Variants in LCOR observed in about 807,000 individuals in gnomAD.
LCOR encodes ligand-dependent corepressor.
In LCOR, 14 loss-of-function variants were observed where a neutral mutation model predicts 64.4. The ratio of observed to expected loss-of-function variants is 0.22; its 90% confidence interval spans 0.14 to 0.34. The LOEUF (loss-of-function observed/expected upper bound fraction) is 0.34, where lower values mean the gene tolerates loss of function less well. Ranked by LOEUF, LCOR falls within the 10% of genes least tolerant of loss-of-function variation. The pLI is 1.00. For synonymous variants in LCOR, 643 were observed against 642.5 expected (o/e 1.00, Z -0.01); for missense variants, 1,686 against 1,765.3 (o/e 0.96, Z 0.80).
chr10:96,981,894 A>G lies in LCOR; in HGVS notation c.1434A>G (p.Pro478=). Reference sequence around the variant, plus strand: ...GTGATGTTGTTTATATCAGTCAACCAATAACAGAATGCCACTTTGAGAATC... The same window carrying G: ...GTGATGTTGTTTATATCAGTCAACCGATAACAGAATGCCACTTTGAGAATC... The part of the protein sequence containing the change: ...NQCDVVYISQ[P]ITECHFENQK... The change falls in exon 8 of 8, where the codon CCA becomes CCG. Residue 478 remains proline (P), a synonymous_variant. Coordinates refer to ENST00000421806, the MANE Select transcript of LCOR (RefSeq NM_001346516.2). The G allele has an allele frequency of 6.2e-7, 1 of 1,614,226 alleles. No individual in the cohort carries two copies. Among genetic ancestry groups the G allele is most frequent in the Non-Finnish European group, 8.5e-7 (1 of 1,180,052 alleles).
chr10:96,894,752 A>T (rs1846507993), intron 2 of LCOR, among the ~76,000 whole-genome samples: 1 of 152,230 alleles, frequency 6.6e-6, no homozygotes, highest in Non-Finnish European at 1.5e-5. Flanking sequence ...TTTTTAAAAT[A>T]TATAAATTAG....
chr10:96,906,441 G>C (rs1238910357), intron 2 of LCOR, among the ~76,000 whole-genome samples: 1 of 152,190 alleles, frequency 6.6e-6, no homozygotes. Context: ...TAAAGATACA[G>C]TCTGATTCCT....
At chr10:96,960,396 C>CT (rs2134542547) in intron 7 of LCOR, 1 of 152,248 alleles carries the variant, frequency 6.6e-6, no homozygotes, top group South Asian at 2.1e-4. Flanking sequence ...GCATCATTTT[C>CT]TTTAACAGCT....
rs1848139232 is a variant in LCOR at position 96,985,253 on chromosome 10, A to G, written c.*119A>G. The G allele has an allele frequency of 1.1e-5, 14 of 1,267,154 alleles. No individual in the cohort carries two copies. Among genetic ancestry groups the G allele is most frequent in the Non-Finnish European group, 1.5e-5 (14 of 961,084 alleles). The allele number at this position is 1,267,154 out of a possible 1,614,324, so 78.5% of individuals were successfully genotyped here. A position where few individuals can be genotyped will look rare whatever the true frequency, so the allele number is the denominator to read the frequency against. ...TTCAAATTTACAGTTAATGGAGAAC[A>G]CCGTAATTTGAGATGTCAGAAAATG... is the stretch of plus-strand genomic sequence containing the variant. On this transcript the variant is annotated 3_prime_UTR_variant, in exon 8 of 8. Coordinates refer to ENST00000421806, the MANE Select transcript of LCOR (RefSeq NM_001346516.2).
rs567469970 is a variant in LCOR at position 96,927,439 on chromosome 10, C to T, written c.-183-16674C>T. 2.6e-5 allele frequency among the ~76,000 whole-genome samples: 4 copies of T among 151,666 alleles called. No individual in the cohort carries two copies. In the East Asian group the frequency reaches 7.7e-4, roughly 29 times the overall value. On this transcript the variant is annotated intron_variant, in intron 4 of 7. Transcript: ENST00000421806. Reference sequence around the variant, plus strand: ...TCTCTGAGGCTTGTCTTTTTCTTTGCGTCATTTGAAAAGCAGTTTTTTTTT... The same window carrying T: ...TCTCTGAGGCTTGTCTTTTTCTTTGTGTCATTTGAAAAGCAGTTTTTTTTT...
At chr10:96,946,470 G>A (rs1049563842) in intron 5 of LCOR, among the ~76,000 whole-genome samples, 3 of 151,904 alleles carry the variant, frequency 2.0e-5, no homozygotes, top group Admixed American at 6.6e-5. Context: ...TTTAGCTTGC[G>A]TTGTCACTTG....
At chr10:96,863,581 T>C (rs1261722562) in intron 2 of LCOR, among the ~76,000 whole-genome samples, 1 of 152,194 alleles carries the variant, frequency 6.6e-6, no homozygotes, top group African/African-American at 2.4e-5. Context: ...GATTGCATTG[T>C]TAGTGCTGTG....
At chr10:96,941,087 C>T (rs1409504841) in intron 4 of LCOR, among the ~76,000 whole-genome samples, 9 of 101,228 alleles carry the variant, frequency 8.9e-5, no homozygotes, top group South Asian at 3.6e-4. Flanking sequence ...CCCTCCCGGA[C>T]GGGGCGGCTG....
At chr10:96,865,160 T>C (rs972112493) in intron 2 of LCOR, among the ~76,000 whole-genome samples, 1 of 152,198 alleles carries the variant, frequency 6.6e-6, no homozygotes, top group African/African-American at 2.4e-5. Context: ...TTAATTTCCC[T>C]CTTAAGACTC....
In LCOR at chr10:96,949,314, G is replaced by T. The variant is rs545981191; in HGVS notation, c.238+19G>T. 6 of 1,611,460 alleles carry T rather than the reference G, an allele frequency of 3.7e-6. No homozygotes were observed. The African/African-American group carries it at 6.7e-5, about 18-fold the overall frequency. ...GAACAAGGTATGGTTTGATGTCAAG[G>T]TCTCCTCTATCTTATCAGAATACTT... On this transcript the variant is annotated intron_variant, in intron 6 of 7. Transcript: ENST00000421806.
chr10:96,898,387 C>G (rs1403875342), intron 2 of LCOR, among the ~76,000 whole-genome samples: 1 of 152,178 alleles, frequency 6.6e-6, no homozygotes. Context: ...GCAGGAGAGA[C>G]TGAAAAGATA....
chr10:96,900,170 CATAGT>C (rs1292704554), intron 2 of LCOR, among the ~76,000 whole-genome samples: 1 of 152,250 alleles, frequency 6.6e-6, no homozygotes, highest in Non-Finnish European at 1.5e-5. Flanking sequence ...TCAATGGACT[CATAGT>C]ATGTGGTCTT....
intron 7 of LCOR, chr10:96,957,753 C>T: frequency 1.0e-6 from 1 of 985,406 alleles, no homozygotes; most frequent in Non-Finnish European, 1.2e-6. Context: ...AGGTTAGGCA[C>T]ACCATTGCTG....
chr10:96,943,406 G>A (rs1847532355), intron 4 of LCOR, among the ~76,000 whole-genome samples: 1 of 152,206 alleles, frequency 6.6e-6, no homozygotes, highest in Non-Finnish European at 1.5e-5. Flanking sequence ...CAGATTCACT[G>A]TTTATATTTC....
In LCOR at chr10:96,984,708, G is replaced by C. The variant is rs564076878; in HGVS notation, c.4248G>C (p.Thr1416=). 20 of 1,613,980 alleles carry C rather than the reference G, an allele frequency of 1.2e-5. No homozygotes were observed. The highest frequency in any genetic ancestry group is 5.3e-5 in the African/African-American group (4 of 75,022). ...SPPDSKNKGP[T]VKASKEKHAD... Reference sequence around the variant, plus strand: ...CAGATAGTAAGAACAAGGGGCCTACGGTGAAAGCCAGCAAAGAAAAGCATG... The same window carrying C: ...CAGATAGTAAGAACAAGGGGCCTACCGTGAAAGCCAGCAAAGAAAAGCATG... The change falls in exon 8 of 8, where the codon ACG becomes ACC. Residue 1416 remains threonine (T), a synonymous_variant. Transcript: ENST00000421806.
intron 2 of LCOR, among the ~76,000 whole-genome samples, chr10:96,879,480 G>A (rs80216439): frequency 6.6e-6 from 1 of 152,146 alleles, no homozygotes; most frequent in Non-Finnish European, 1.5e-5. Context: ...GAGTACTTCC[G>A]TAGCTTTAAA....
chr10:96,836,923 T>G (rs1372987477), intron 2 of LCOR, among the ~76,000 whole-genome samples: 3 of 152,182 alleles, frequency 2.0e-5, no homozygotes, highest in African/African-American at 4.8e-5. Flanking sequence ...TTTCTTTCCT[T>G]AGCTCAGGGG....
intron 7 of LCOR, chr10:96,956,004 T>C (rs1055847566): frequency 2.6e-6 from 4 of 1,517,730 alleles, no homozygotes; most frequent in Non-Finnish European, 3.5e-6. Context: ...TTGCACGTAA[T>C]TTCATTTACT....
intron 4 of LCOR, among the ~76,000 whole-genome samples, chr10:96,941,252 T>A (rs1445736541): frequency 2.2e-4 from 21 of 94,976 alleles, no homozygotes; most frequent in South Asian, 3.8e-4. Flanking sequence ...CCCCCCCACC[T>A]CCCTCCCGGA....
Sources: allele counts gnomAD v4.1 joint callset (sites outside exome capture counted in the v4.1 genomes callset), GRCh38; gene constraint gnomAD v4.1.1; transcripts MANE v1.5; gene names NCBI Gene and HGNC (gene_info 2026-07-23, HGNC 2026-07-21).